The following PRDM16 variants were observed in gnomAD, a reference collection of about 807,000 sequenced individuals.
PRDM16 encodes the protein PR/SET domain 16.
PRDM16 carries 23 observed loss-of-function variants against 110.6 expected under a neutral mutation model. The ratio of observed to expected loss-of-function variants is 0.21; its 90% CI spans 0.15 to 0.29. PRDM16 has a LOEUF of 0.29. PRDM16 is among the 10% of genes least tolerant of loss of function. The probability of loss-of-function intolerance (pLI) is 1.00; values close to 1 mark genes in which losing one functional copy is unlikely to be tolerated. For synonymous variants in PRDM16, 799 were observed against 781.8 expected, an observed-to-expected ratio of 1.02 and a Z score of -0.37; for missense variants, 1,615 against 1,794.3, an observed-to-expected ratio of 0.90 and a Z score of 1.81.
chr1:3,292,560 G>A (rs756310382), intron 3 of PRDM16, among the ~76,000 whole-genome samples: 5 of 152,310 alleles, frequency 3.3e-5, no homozygotes, highest in Admixed American at 1.3e-4. Flanking sequence ...ATTCTTGACC[G>A]CGCTGTCCGG....
chr1:3,326,585 C>T (rs1413730967), intron 3 of PRDM16, among the ~76,000 whole-genome samples: 1 of 152,142 alleles, frequency 6.6e-6, no homozygotes, highest in Non-Finnish European at 1.5e-5. Context: ...CCCTTTGGCA[C>T]CTCAGGATGA....
chr1:3,311,587 C>A (rs1313744184), intron 3 of PRDM16, among the ~76,000 whole-genome samples: 1 of 152,196 alleles, frequency 6.6e-6, no homozygotes, highest in Admixed American at 6.5e-5. Flanking sequence ...TCATTTAATC[C>A]TTGGCCTGAC....
Position 3,359,910 on chromosome 1 carries a change from C to T in PRDM16, c.439-25242C>T, listed in dbSNP as rs1299531559. On this transcript the variant is annotated intron_variant, in intron 3 of 16. Transcript: ENST00000270722. The surrounding 1 kb of genome is among the most constrained non-coding windows in gnomAD (Gnocchi z 4.3). ...TCTTGGAAGACGGATGCCGTGTGCA[C>T]GCAAAGACGGCAGCCAGCTCCTCAC... is the stretch of plus-strand genomic sequence containing the variant. Among the ~76,000 whole-genome samples the T allele has an allele frequency of 2.0e-5, 3 of 152,182 alleles. No individual in the cohort carries two copies. The highest frequency in any genetic ancestry group is 4.4e-5 in the Non-Finnish European group (3 of 68,042).
rs922872171 is a variant in PRDM16, at chr1:3,265,552, G to A, written c.438+21415G>A. On this transcript the variant is annotated intron_variant, in intron 3 of 16. Transcript: ENST00000270722. The surrounding 1 kb of genome is among the most constrained non-coding windows in gnomAD (Gnocchi z 4.5). Reference sequence around the variant, plus strand: ...GATGTGTGACTCAAGGGACCCATCCGAGGTTCATGGGAAGAGGAGAAGGGG... The same window carrying A: ...GATGTGTGACTCAAGGGACCCATCCAAGGTTCATGGGAAGAGGAGAAGGGG... 1.3e-5 allele frequency among the ~76,000 whole-genome samples: 2 copies of A among 152,096 alleles called. No homozygotes were observed. Among genetic ancestry groups the A allele is most frequent in the Admixed American group, 6.5e-5 (1 of 15,280 alleles).
chr1:3,167,148 T>C (rs2651899), intron 1 of PRDM16, among the ~76,000 whole-genome samples: 77,491 of 151,860 alleles, frequency 0.51, 20,851 homozygotes, highest in African/African-American at 0.69. Context: ...CCGGGGAGCC[T>C]GAGAAAGCGA....
chr1:3,412,389 C>G lies in PRDM16; in HGVS notation c.2192C>G (p.Pro731Arg). The stretch of plus-strand genomic sequence containing the variant: ...TCGGCGTTCCCCTTCCAGTTCCTGC[C>G]CAACTTCCCCCACTCCCTTTACCCC... ...YHSAFPFQFL[P>R]NFPHSLYPFT... The change falls in exon 9 of 17, where the codon CCC (proline) becomes CGC (arginine). Residue 731 changes from proline to arginine, a missense_variant. Physicochemically the swap from Pro to Arg is moderately radical, Grantham distance 103. Around this residue, in one of 5 missense-constraint regions of PRDM16, gnomAD observed 772 missense variants for 748.3 expected, o/e 1.03. Coordinates refer to ENST00000270722, the MANE Select transcript of PRDM16 (RefSeq NM_022114.4). 6.2e-7 allele frequency: 1 copy of G among 1,613,364 alleles called. No homozygotes were observed. The highest frequency in any genetic ancestry group is 8.5e-7 in the Non-Finnish European group (1 of 1,179,986).
intron 2 of PRDM16, among the ~76,000 whole-genome samples, chr1:3,238,308 C>G (rs989323630): frequency 2.0e-5 from 3 of 152,112 alleles, no homozygotes; most frequent in Admixed American, 6.5e-5. Flanking sequence ...AGGACGGGCT[C>G]TCCAGAGCCC....
intron 12 of PRDM16, among the ~76,000 whole-genome samples, chr1:3,420,957 G>T (rs973822308): frequency 9.9e-5 from 15 of 152,064 alleles, no homozygotes; most frequent in African/African-American, 3.4e-4. Flanking sequence ...CGAGATTCCT[G>T]CCTCAGGGCT....
chr1:3,073,635 C>T (rs899713204), intron 1 of PRDM16, among the ~76,000 whole-genome samples: 2 of 152,096 alleles, frequency 1.3e-5, no homozygotes, highest in Admixed American at 6.5e-5. Context: ...CCACCGAGGG[C>T]TGCAGACGGC....
intron 2 of PRDM16, among the ~76,000 whole-genome samples, chr1:3,193,422 T>G (rs1322342856): frequency 6.6e-6 from 1 of 152,180 alleles, no homozygotes; most frequent in East Asian, 1.9e-4. Flanking sequence ...AGAGGCTGGT[T>G]TGAACCCAGA....
chr1:3,257,512 A>T (rs1216376544), intron 3 of PRDM16, among the ~76,000 whole-genome samples: 1 of 152,218 alleles, frequency 6.6e-6, no homozygotes, highest in Non-Finnish European at 1.5e-5. Flanking sequence ...AAAAAATAAA[A>T]GTCACATGTT....
chr1:3,368,098 C>T (rs971809014), intron 3 of PRDM16, among the ~76,000 whole-genome samples: 1 of 152,194 alleles, frequency 6.6e-6, no homozygotes, highest in Non-Finnish European at 1.5e-5. Context: ...AGAAAACAGT[C>T]TATCCATTCC....
chr1:3,425,347 T>G lies in PRDM16; in HGVS notation c.2940-234T>G, dbSNP rs187152895. 2.9e-3 allele frequency: 1,235 copies of G among 427,856 alleles called. 10 individuals are homozygous for G. Among genetic ancestry groups the G allele is most frequent in the East Asian group, 0.016 (401 of 25,448 alleles). 26.5% of individuals were successfully genotyped at this position (427,856 alleles called of 1,614,324 possible). On this transcript the variant is annotated intron_variant, in intron 12 of 16. Coordinates refer to ENST00000270722, the MANE Select transcript of PRDM16 (RefSeq NM_022114.4). The surrounding 1 kb of genome is among the most constrained non-coding windows in gnomAD (Gnocchi z 6.9). ...CCCGCCTTGGCCTCCCAAAGTGCTGTGATTATAGGCGTGAACCCCTGCTTC... is the reference window on the plus strand; with the variant it reads ...CCCGCCTTGGCCTCCCAAAGTGCTGGGATTATAGGCGTGAACCCCTGCTTC...
chr1:3,169,375 A>G (rs1643998280), intron 1 of PRDM16, among the ~76,000 whole-genome samples: 1 of 152,030 alleles, frequency 6.6e-6, no homozygotes, highest in Non-Finnish European at 1.5e-5. Context: ...TTGCCATGGG[A>G]GCCCCGTCCC....
chr1:3,096,133 G>A (rs1642393065), intron 1 of PRDM16, among the ~76,000 whole-genome samples: 1 of 152,128 alleles, frequency 6.6e-6, no homozygotes, highest in Non-Finnish European at 1.5e-5. Flanking sequence ...TGCTTAGAAT[G>A]TTCTGGACCC....
chr1:3,294,859 G>A (rs72849031), intron 3 of PRDM16, among the ~76,000 whole-genome samples: 177 of 152,274 alleles, frequency 1.2e-3, no homozygotes, highest in African/African-American at 3.8e-3. Flanking sequence ...CTGATCACAC[G>A]TACAAACCAG....
chr1:3,354,846 C>A (rs926804533), intron 3 of PRDM16, among the ~76,000 whole-genome samples: 1 of 152,150 alleles, frequency 6.6e-6, no homozygotes, highest in African/African-American at 2.4e-5. Context: ...GGTCTCCTCT[C>A]TCCCAGAGGA....
intron 1 of PRDM16, among the ~76,000 whole-genome samples, chr1:3,074,622 C>A (rs963207558): frequency 1.3e-5 from 2 of 152,168 alleles, no homozygotes; most frequent in African/African-American, 4.8e-5. Context: ...GTTCTGTCCC[C>A]AAGGGCAGGC....
chr1:3,147,966 C>T (rs890348931), intron 1 of PRDM16, among the ~76,000 whole-genome samples: 3 of 152,200 alleles, frequency 2.0e-5, no homozygotes, highest in Non-Finnish European at 2.9e-5. Flanking sequence ...TCTGCATTGA[C>T]CTCAAACCCC....
Sources: allele counts gnomAD v4.1 joint callset (sites outside exome capture counted in the v4.1 genomes callset), GRCh38; gene constraint gnomAD v4.1.1; regional missense constraint gnomAD v4.1.1; non-coding constraint Gnocchi (gnomAD v3.1); transcripts MANE v1.5; gene names NCBI Gene and HGNC (gene_info 2026-07-23, HGNC 2026-07-21).